Variants in GLRA3 observed in about 807,000 individuals in gnomAD.
The protein encoded by GLRA3 is glycine receptor alpha 3.
In GLRA3, 44 loss-of-function variants were observed where a neutral mutation model predicts 60.4. The observed-to-expected ratio is 0.73, with a 90% CI of 0.57 to 0.94. GLRA3 has a LOEUF of 0.94. Ranked by LOEUF, GLRA3 falls within the 40% of genes least tolerant of loss-of-function variation. The pLI is 0.00. For missense variants in GLRA3, 508 were observed against 564.6 expected (o/e 0.90, Z 1.02); for synonymous variants, 223 against 192.9 (o/e 1.16, Z -1.29).
intron 7 of GLRA3, among the ~76,000 whole-genome samples, chr4:174,659,463 G>A (rs1733351718): frequency 6.6e-6 from 1 of 151,908 alleles, no homozygotes; most frequent in Non-Finnish European, 1.5e-5. Context: ...TTTACCTTCA[G>A]AACAGTATAC....
At chr4:174,700,577 G>A (rs936877096) in intron 5 of GLRA3, among the ~76,000 whole-genome samples, 8 of 152,152 alleles carry the variant, frequency 5.3e-5, no homozygotes, top group African/African-American at 1.9e-4. Context: ...TCAAAAGCTA[G>A]AAATGGTTAA....
chr4:174,817,069 A>C (rs1163926971), intron 1 of GLRA3, among the ~76,000 whole-genome samples: 1 of 152,140 alleles, frequency 6.6e-6, no homozygotes, highest in Non-Finnish European at 1.5e-5. Context: ...GGCAGAATGC[A>C]TCTGGAGCCT....
chr4:174,780,860 T>C (rs1213452547), intron 2 of GLRA3, among the ~76,000 whole-genome samples: 1 of 152,102 alleles, frequency 6.6e-6, no homozygotes, highest in Non-Finnish European at 1.5e-5. Flanking sequence ...CACACAATAA[T>C]GATGGGAGAC....
At chr4:174,692,165 T>C (rs1734852129) in intron 5 of GLRA3, among the ~76,000 whole-genome samples, 1 of 150,180 alleles carries the variant, frequency 6.7e-6, no homozygotes, top group Admixed American at 6.6e-5. Context: ...GCAGCCACCC[T>C]GTCTGGGAAG....
At chr4:174,736,704 GATATGTA>G (rs1736803406) in intron 3 of GLRA3, among the ~76,000 whole-genome samples, 1 of 152,064 alleles carries the variant, frequency 6.6e-6, no homozygotes, top group South Asian at 2.1e-4. Flanking sequence ...TATGTAAGGT[GATATGTA>G]ATATGTAATA....
intron 7 of GLRA3, among the ~76,000 whole-genome samples, chr4:174,665,548 T>A (rs1275848039): frequency 1.3e-5 from 2 of 152,204 alleles, no homozygotes; most frequent in Non-Finnish European, 2.9e-5. Context: ...TTCCAAAAAC[T>A]TTGATTAGAA....
chr4:174,737,758 C>A (rs908082563), intron 3 of GLRA3, among the ~76,000 whole-genome samples: 1 of 152,176 alleles, frequency 6.6e-6, no homozygotes, highest in South Asian at 2.1e-4. Context: ...CAGATCCGCA[C>A]GCCTCGATCT....
At chr4:174,816,590 TTCTC>T (rs1299818728) in intron 1 of GLRA3, among the ~76,000 whole-genome samples, 3 of 152,096 alleles carry the variant, frequency 2.0e-5, no homozygotes, top group African/African-American at 4.8e-5. Context: ...TCTTACATTA[TTCTC>T]TCTTTTTCTC....
chr4:174,822,024 C>A lies in GLRA3; in HGVS notation c.71+6717G>T, dbSNP rs377436072. 7.9e-5 allele frequency among the ~76,000 whole-genome samples: 12 copies of A among 152,156 alleles called. No individual in the cohort carries two copies. In the South Asian group the frequency reaches 2.5e-3, roughly 32 times the overall value. On this transcript the variant is annotated intron_variant, in intron 1 of 9. Coordinates refer to ENST00000274093, the MANE Select transcript of GLRA3 (RefSeq NM_006529.4). ...TGAATTAAACATTATGGAGGTAAAA[C>A]AAAGACCAGAAATGATTCTATCCCC...
chr4:174,694,698 A>G (rs187836626), intron 5 of GLRA3, among the ~76,000 whole-genome samples: 13 of 152,084 alleles, frequency 8.5e-5, no homozygotes, highest in Non-Finnish European at 1.2e-4. Flanking sequence ...AAACAAATCA[A>G]CCCCAAAGCT....
intron 5 of GLRA3, among the ~76,000 whole-genome samples, chr4:174,685,131 G>T (rs898906750): frequency 7.9e-5 from 12 of 152,276 alleles, no homozygotes; most frequent in Middle Eastern, 3.4e-3. Context: ...TAGAGAAGAG[G>T]CTATGTGAGT....
intron 1 of GLRA3, among the ~76,000 whole-genome samples, chr4:174,809,010 CTAGTGTACA>C (rs1553962905): frequency 6.6e-6 from 1 of 152,128 alleles, no homozygotes; most frequent in Non-Finnish European, 1.5e-5. Flanking sequence ...AAATTCGACA[CTAGTGTACA>C]GTAATGTCCT....
chr4:174,823,424 C>G (rs1740828838), intron 1 of GLRA3, among the ~76,000 whole-genome samples: 1 of 152,078 alleles, frequency 6.6e-6, no homozygotes. Flanking sequence ...ACTCAGGAGG[C>G]TGAGGCAGAA....
In GLRA3 at chr4:174,766,951, TA is replaced by T; in HGVS notation, c.267+11del. ...CTCTAGTGTGAAACTTGTTGCAAAG[TA>T]AAATGCCTACCATGGTCGTCTCTGC... On this transcript the variant is annotated intron_variant, in intron 3 of 9. Coordinates refer to ENST00000274093, the MANE Select transcript of GLRA3 (RefSeq NM_006529.4). 3 of 1,484,824 alleles carry T rather than the reference TA, an allele frequency of 2.0e-6. No individual in the cohort carries two copies. The highest frequency in any genetic ancestry group is 1.2e-5 in the South Asian group (1 of 85,654). The allele number at this position is 1,484,824 out of a possible 1,614,324, so 92.0% of individuals were successfully genotyped here. A position where few individuals can be genotyped will look rare whatever the true frequency, so the allele number is the denominator to read the frequency against.
intron 7 of GLRA3, among the ~76,000 whole-genome samples, chr4:174,672,220 T>C (rs1733933631): frequency 6.6e-6 from 1 of 152,144 alleles, no homozygotes; most frequent in African/African-American, 2.4e-5. Flanking sequence ...GAAGTCCACA[T>C]AGAATCTCCC....
intron 1 of GLRA3, among the ~76,000 whole-genome samples, chr4:174,818,952 C>T (rs1740623774): frequency 6.6e-6 from 1 of 152,166 alleles, no homozygotes; most frequent in Admixed American, 6.6e-5. Context: ...CAGATTGTCT[C>T]TAAGTTCTTT....
At chr4:174,747,819 A>G (rs1737312579) in intron 3 of GLRA3, among the ~76,000 whole-genome samples, 2 of 152,146 alleles carry the variant, frequency 1.3e-5, no homozygotes, top group Admixed American at 1.3e-4. Context: ...TTGAGAAACC[A>G]ACTTACTGAT....
chr4:174,755,911 G>A (rs1737674832), intron 3 of GLRA3, among the ~76,000 whole-genome samples: 1 of 151,866 alleles, frequency 6.6e-6, no homozygotes, highest in African/African-American at 2.4e-5. Context: ...TAAAAAATGA[G>A]TGAAAACCAA....
intron 5 of GLRA3, among the ~76,000 whole-genome samples, chr4:174,687,252 C>T (rs1341291287): frequency 6.6e-6 from 1 of 152,160 alleles, no homozygotes; most frequent in African/African-American, 2.4e-5. Flanking sequence ...AAATATCTTA[C>T]AGTAAAAACA....
Sources: allele counts gnomAD v4.1 joint callset (sites outside exome capture counted in the v4.1 genomes callset), GRCh38; gene constraint gnomAD v4.1.1; transcripts MANE v1.5; gene names NCBI Gene and HGNC (gene_info 2026-07-23, HGNC 2026-07-21).